Variants in PHF20L1 observed in about 807,000 individuals in gnomAD.
PHF20L1 encodes the protein PHD finger protein 20 like 1.
Under a neutral mutation model 125.5 loss-of-function variants are expected in PHF20L1, and 44 were observed. The observed-to-expected ratio is 0.35, with a 90% CI of 0.28 to 0.45. The LOEUF is 0.45. Ranked by LOEUF, PHF20L1 falls within the 20% of genes least tolerant of loss-of-function variation. The pLI is 1.00. For missense variants in PHF20L1, 1,012 were observed against 1,217.2 expected (o/e 0.83, Z 2.51); for synonymous variants, 380 against 403.1 (o/e 0.94, Z 0.69).
At chr8:132,779,452 G>A (rs1312946256) in intron 2 of PHF20L1, among the ~76,000 whole-genome samples, 2 of 152,222 alleles carry the variant, frequency 1.3e-5, no homozygotes, top group East Asian at 1.9e-4. Flanking sequence ...CTGAATGTCT[G>A]TGTGATACAA....
chr8:132,830,618 A>G (rs1426524238), intron 14 of PHF20L1, among the ~76,000 whole-genome samples: 1 of 152,074 alleles, frequency 6.6e-6, no homozygotes, highest in African/African-American at 2.4e-5. Context: ...CAGAGTTGAG[A>G]AGACAGACAT....
rs533761294 is a variant in PHF20L1 at position 132,832,412 on chromosome 8, A to C, written c.1909+13A>C. The stretch of plus-strand genomic sequence containing the variant: ...CTTAGTGGTGAAAGTATGTGTAACC[A>C]TGTGATGGTTAAAACAAGACTTACA... On this transcript the variant is annotated intron_variant, in intron 15 of 20. Transcript: ENST00000395386. The C allele has an allele frequency of 9.4e-6, 15 of 1,589,496 alleles. No homozygotes were observed. In the African/African-American group the frequency reaches 1.7e-4, roughly 19 times the overall value.
chr8:132,785,548 CATTA>C (rs1830918327), intron 2 of PHF20L1, among the ~76,000 whole-genome samples: 1 of 152,090 alleles, frequency 6.6e-6, no homozygotes. Flanking sequence ...TGCTGTTCTT[CATTA>C]AGGTCCCAGT....
At position 132,817,424 on chromosome 8, in the gene PHF20L1, G is replaced by A. The variant is rs765719884; in HGVS notation, c.1458G>A (p.Pro486=). ...GTCGTGGTTCAGAAGTTACAGCACC[G>A]GTAGCCTCAGATTCCTCTTACCGTA... is the stretch of plus-strand genomic sequence containing the variant. ...DLSRGSEVTA[P]VASDSSYRNE... Residue 486 remains proline, a synonymous_variant, in exon 12 of 21, where the codon CCG becomes CCA. Transcript: ENST00000395386. 1.7e-5 allele frequency: 28 copies of A among 1,612,446 alleles called. No individual in the cohort carries two copies. Among genetic ancestry groups the A allele is most frequent in the East Asian group, 1.6e-4 (7 of 44,832 alleles).
intron 9 of PHF20L1, chr8:132,812,825 C>T: frequency 1.0e-6 from 1 of 976,656 alleles, no homozygotes; most frequent in Non-Finnish European, 1.2e-6. Flanking sequence ...AGTAATGTCA[C>T]TCATGACATA....
chr8:132,819,528 C>T lies in PHF20L1; in HGVS notation c.1579+1983C>T, dbSNP rs150902477. On this transcript the variant is annotated intron_variant, in intron 12 of 20. Coordinates refer to ENST00000395386, the MANE Select transcript of PHF20L1 (RefSeq NM_016018.5). ...ATTACAACCTTGTGTGCCTGTCCCA[C>T]GTGCATTGAAATTCTCGGTGGTCTC... Among the ~76,000 whole-genome samples the T allele has an allele frequency of 3.4e-3, 519 of 151,106 alleles. 4 individuals carry two copies. The highest frequency in any genetic ancestry group is 0.012 in the African/African-American group (493 of 41,218).
At chr8:132,839,077 T>C in intron 17 of PHF20L1, 1 of 239,346 alleles carries the variant, frequency 4.2e-6, no homozygotes, top group South Asian at 9.9e-5. Flanking sequence ...ATCCAGCCCT[T>C]TGAGCCTTTT....
At position 132,814,631 on chromosome 8, in the gene PHF20L1, A is replaced by C; in HGVS notation, c.931-6A>C. The C allele has an allele frequency of 1.3e-6, 2 of 1,553,482 alleles. No homozygotes were observed. Among genetic ancestry groups the C allele is most frequent in the Non-Finnish European group, 1.7e-6 (2 of 1,149,328 alleles). ...TAAAAATATCAATTTTTTATTATTTATTCAGGCGATTTCACCTAAACCTCA... is the reference window on the plus strand; with the variant it reads ...TAAAAATATCAATTTTTTATTATTTCTTCAGGCGATTTCACCTAAACCTCA... On this transcript the variant is annotated splice_polypyrimidine_tract_variant and splice_region_variant and intron_variant, in intron 9 of 20. Coordinates refer to ENST00000395386, the MANE Select transcript of PHF20L1 (RefSeq NM_016018.5).
At chr8:132,810,405 A>C (rs568319994) in intron 8 of PHF20L1, 1 of 152,226 alleles carries the variant, frequency 6.6e-6, no homozygotes, top group Non-Finnish European at 1.5e-5. Context: ...AACTTCTAAA[A>C]ATTTTTGTCA....
chr8:132,788,104 A>G (rs770712093), intron 2 of PHF20L1, among the ~76,000 whole-genome samples: 1 of 152,132 alleles, frequency 6.6e-6, no homozygotes, highest in Non-Finnish European at 1.5e-5. Flanking sequence ...CATACATACT[A>G]TCCTTTAAAA....
rs985569305 is a variant in PHF20L1 at position 132,846,360 on chromosome 8, T to C, written c.*437T>C. On this transcript the variant is annotated 3_prime_UTR_variant, in exon 21 of 21. Transcript: ENST00000395386. ...AGGAAATTTAAATTCTGGAGAATTCTACAGGGTTGCTCTAAGAACTGTCTT... is the reference window on the plus strand; with the variant it reads ...AGGAAATTTAAATTCTGGAGAATTCCACAGGGTTGCTCTAAGAACTGTCTT... The C allele has an allele frequency of 1.3e-5, 2 of 153,640 alleles. No individual in the cohort carries two copies. The highest frequency in any genetic ancestry group is 1.3e-4 in the Admixed American group (2 of 15,420). 9.5% of individuals were successfully genotyped at this position (153,640 alleles called of 1,614,324 possible).
intron 2 of PHF20L1, among the ~76,000 whole-genome samples, chr8:132,779,038 C>T (rs1830136480): frequency 2.0e-5 from 3 of 152,174 alleles, no homozygotes; most frequent in African/African-American, 7.2e-5. Flanking sequence ...ACTGTATAGA[C>T]CAGGCTGGGG....
In PHF20L1 at chr8:132,793,431, C is replaced by A. The variant is rs538438779; in HGVS notation, c.84-979C>A. Among the ~76,000 whole-genome samples, 166 of 152,112 alleles carry A rather than the reference C, an allele frequency of 1.1e-3. 1 individual carries two copies. Among genetic ancestry groups the A allele is most frequent in the African/African-American group, 3.9e-3 (162 of 41,486 alleles). ...CTACATTTCAAAGTTATATAAAGTC[C>A]ATTGTACTTTATATTTAAAGCTAGT... On this transcript the variant is annotated intron_variant, in intron 2 of 20. Transcript: ENST00000395386.
At position 132,817,342 on chromosome 8, in the gene PHF20L1, C is replaced by T. The variant is rs749242197; in HGVS notation, c.1376C>T (p.Pro459Leu). The T allele has an allele frequency of 4.3e-6, 7 of 1,611,022 alleles. No individual in the cohort carries two copies. In the African/African-American group the frequency reaches 8.0e-5, roughly 18 times the overall value. ...TTACACTCTTTATTTTGTGTAGTGC[C>T]TGATGTTGCACATTTGCCACTTGAG... ...NQQESSVPEV[P>L]DVAHLPLEKL... Residue 459 changes from proline (P) to leucine (L), a missense_variant, in exon 12 of 21, where the codon CCT becomes CTT. Pro to Leu is a moderately conservative substitution (Grantham distance 98, BLOSUM62 -3). Coordinates refer to ENST00000395386, the MANE Select transcript of PHF20L1 (RefSeq NM_016018.5).
intron 1 of PHF20L1, among the ~76,000 whole-genome samples, chr8:132,776,047 C>T (rs1829704999): frequency 6.6e-6 from 1 of 152,198 alleles, no homozygotes; most frequent in South Asian, 2.1e-4. Context: ...AAAACTTCCA[C>T]TGTCCTATTT....
At chr8:132,803,775 A>T (rs779796112) in intron 6 of PHF20L1, 44 bp from the exon 7 acceptor site, 1 of 1,051,836 alleles carries the variant, frequency 9.5e-7, no homozygotes, top group South Asian at 1.4e-5. Context: ...TTACATTTTA[A>T]TTAATTTTTA....
chr8:132,830,673 G>A (rs1223309581), intron 14 of PHF20L1, among the ~76,000 whole-genome samples: 1 of 152,056 alleles, frequency 6.6e-6, no homozygotes, highest in Non-Finnish European at 1.5e-5. Flanking sequence ...ACATCTGCAT[G>A]CTTACATGAA....
intron 8 of PHF20L1, among the ~76,000 whole-genome samples, chr8:132,805,173 A>G (rs1833539866): frequency 6.6e-6 from 1 of 151,928 alleles, no homozygotes. Flanking sequence ...TCTGACTTAC[A>G]TTTACTTCCT....
chr8:132,842,635 G>T lies in PHF20L1; in HGVS notation c.2508G>T (p.Lys836Asn). Residue 836 changes from lysine to asparagine, a missense_variant, in exon 19 of 21, where the codon AAG becomes AAT. Physicochemically the swap from Lys to Asn is moderately conservative, Grantham distance 94 (BLOSUM62 0). Coordinates refer to ENST00000395386, the MANE Select transcript of PHF20L1 (RefSeq NM_016018.5). ...IAQDTVNREE[K>N]KYVQNHKEPP... ...AAGACACAGTTAATCGAGAAGAAAA[G>T]AAATATGTACAGAACCATAAAGAAC... 1 of 1,613,118 alleles carries T rather than the reference G, an allele frequency of 6.2e-7. No individual in the cohort carries two copies. Among genetic ancestry groups the T allele is most frequent in the East Asian group, 2.2e-5 (1 of 44,822 alleles).
Sources: gnomAD v4.1 joint callset for allele counts (sites outside exome capture counted in the v4.1 genomes callset) on GRCh38, gnomAD v4.1.1 for gene constraint, MANE v1.5 for transcripts, NCBI Gene and HGNC (gene_info 2026-07-23, HGNC 2026-07-21) for gene names.